The following CERS3 variants were observed in gnomAD, a reference collection of about 807,000 sequenced individuals.
CERS3 encodes the protein ceramide synthase 3.
A neutral mutation model predicts 50.3 loss-of-function variants in CERS3; 33 were observed. That is an observed-to-expected ratio of 0.66 (90% CI 0.50 to 0.88). The LOEUF is 0.88. Ranked by LOEUF, CERS3 falls within the 40% of genes least tolerant of loss-of-function variation. CERS3 has a pLI of 0.00. For missense variants in CERS3, 470 were observed against 460.3 expected, an observed-to-expected ratio of 1.02 and a Z score of -0.19; for synonymous variants, 176 against 155.2, an observed-to-expected ratio of 1.13 and a Z score of -0.99.
At chr15:100,404,414 C>A (rs1300669267) in intron 11 of CERS3, among the ~76,000 whole-genome samples, 2 of 152,158 alleles carry the variant, frequency 1.3e-5, no homozygotes, top group Non-Finnish European at 2.9e-5. Flanking sequence ...TGTATAGGAT[C>A]TGTATGTAAA....
rs199822061 is a variant in CERS3, at chr15:100,498,060, A to AT, written c.173+3616dup. 4.3e-3 allele frequency among the ~76,000 whole-genome samples: 652 copies of AT among 151,796 alleles called. 7 individuals are homozygous for AT. The highest frequency in any genetic ancestry group is 0.015 in the African/African-American group (615 of 41,386). ...AGGCATGTGCCAACACACCCAGTTAATTTTTTTGTATTTTTAGTACAGACG... is the reference window on the plus strand; with the variant it reads ...AGGCATGTGCCAACACACCCAGTTAATTTTTTTTGTATTTTTAGTACAGACG... On this transcript the variant is annotated intron_variant, in intron 3 of 11. Transcript: ENST00000679737.
At chr15:100,502,251 G>GAAAAAAAA (rs58654483) in intron 2 of CERS3, among the ~76,000 whole-genome samples, 15 of 113,682 alleles carry the variant, frequency 1.3e-4, no homozygotes, top group African/African-American at 3.0e-4. Context: ...CTCAAAAAAA[G>GAAAAAAAA]AAAAAAAAAA....
At chr15:100,532,391 T>G (rs75294868), upstream of CERS3, among the ~76,000 whole-genome samples, 114 of 152,310 alleles carry the variant, frequency 7.5e-4, 1 homozygote, top group African/African-American at 2.4e-3. Flanking sequence ...ATCAACAAAC[T>G]GTTTTCTTCT....
At chr15:100,491,153 G>T (rs186644523) in intron 3 of CERS3, among the ~76,000 whole-genome samples, 36 of 151,868 alleles carry the variant, frequency 2.4e-4, no homozygotes, top group Non-Finnish European at 3.4e-4. Context: ...ATTCTAAAAT[G>T]CATTTTATGT....
At chr15:100,437,546 A>G (rs2033476097) in intron 11 of CERS3, among the ~76,000 whole-genome samples, 1 of 152,210 alleles carries the variant, frequency 6.6e-6, no homozygotes, top group Non-Finnish European at 1.5e-5. Context: ...CAGCTGCAGC[A>G]CTGTCTGCCT....
intron 11 of CERS3, among the ~76,000 whole-genome samples, chr15:100,427,528 T>C (rs1343209008): frequency 6.6e-6 from 1 of 152,180 alleles, no homozygotes; most frequent in African/African-American, 2.4e-5. Context: ...TCTCAGGCCT[T>C]GGGGTAGCAA....
chr15:100,427,914 G>C (rs1280182712), intron 11 of CERS3, among the ~76,000 whole-genome samples: 1 of 152,146 alleles, frequency 6.6e-6, no homozygotes, highest in Non-Finnish European at 1.5e-5. Context: ...AAGAGGTCAG[G>C]TGGTGAAAAA....
At chr15:100,525,987 T>C (rs1209729162) in intron 1 of CERS3, among the ~76,000 whole-genome samples, 1 of 152,178 alleles carries the variant, frequency 6.6e-6, no homozygotes, top group Non-Finnish European at 1.5e-5. Flanking sequence ...CGTTGTATTG[T>C]GTGTTGAGGT....
intron 5 of CERS3, among the ~76,000 whole-genome samples, chr15:100,483,775 A>ATTTTTT (rs1158193821): frequency 4.4e-4 from 8 of 18,194 alleles, no homozygotes; most frequent in Non-Finnish European, 5.2e-4. Flanking sequence ...AATAATAATA[A>ATTTTTT]TTATTATTAT....
At chr15:100,442,109 T>C (rs987678559) in intron 11 of CERS3, among the ~76,000 whole-genome samples, 1 of 152,198 alleles carries the variant, frequency 6.6e-6, no homozygotes, top group Non-Finnish European at 1.5e-5. Flanking sequence ...GCTGGAGAGC[T>C]AAAGGCATAG....
intron 4 of CERS3, 80 bp from the exon 5 acceptor site, chr15:100,484,748 T>TAC: frequency 4.8e-6 from 5 of 1,035,220 alleles, no homozygotes; most frequent in South Asian, 1.3e-5. Context: ...GAGATTGAGT[T>TAC]ACAAGAGCTT....
intron 11 of CERS3, among the ~76,000 whole-genome samples, chr15:100,414,983 C>T (rs1001921834): frequency 2.6e-5 from 4 of 151,958 alleles, no homozygotes; most frequent in Admixed American, 6.6e-5. Context: ...GAAACTATAA[C>T]GAGAGTTAAC....
At chr15:100,417,374 G>T (rs531199884) in intron 11 of CERS3, among the ~76,000 whole-genome samples, 1 of 151,860 alleles carries the variant, frequency 6.6e-6, no homozygotes, top group South Asian at 2.1e-4. Context: ...CTTTTCCGAC[G>T]GGCTTAAAAA....
chr15:100,447,953 T>A (rs927453968), intron 11 of CERS3, among the ~76,000 whole-genome samples: 13 of 152,234 alleles, frequency 8.5e-5, no homozygotes, highest in African/African-American at 3.1e-4. Flanking sequence ...AAAGTTTGAA[T>A]CAATAGTCTA....
intron 3 of CERS3, among the ~76,000 whole-genome samples, chr15:100,496,593 G>A (rs1299207348): frequency 4.6e-5 from 7 of 152,090 alleles, no homozygotes; most frequent in Admixed American, 2.6e-4. Context: ...TATCATAATC[G>A]TGGTGATGCT....
At chr15:100,471,674 C>A (rs996728) in intron 9 of CERS3, among the ~76,000 whole-genome samples, 1 of 152,150 alleles carries the variant, frequency 6.6e-6, no homozygotes, top group South Asian at 2.1e-4. Context: ...CAGAAAAAAA[C>A]GGCACAATCC....
At chr15:100,406,349 T>C (rs2031024730) in intron 11 of CERS3, among the ~76,000 whole-genome samples, 1 of 152,194 alleles carries the variant, frequency 6.6e-6, no homozygotes, top group Non-Finnish European at 1.5e-5. Context: ...GTACAACTTC[T>C]TTTTTCCCTT....
At chr15:100,509,352 AGCTGAG>A (rs1469466720) in intron 2 of CERS3, among the ~76,000 whole-genome samples, 2 of 152,246 alleles carry the variant, frequency 1.3e-5, no homozygotes, top group Non-Finnish European at 2.9e-5. Context: ...CTCCAATCCA[AGCTGAG>A]GCTTTGGACA....
intron 11 of CERS3, among the ~76,000 whole-genome samples, chr15:100,422,440 T>A (rs2032509139): frequency 1.5e-5 from 1 of 67,952 alleles, no homozygotes; most frequent in Non-Finnish European, 3.0e-5. Context: ...AAACAACAGG[T>A]GCTGGAGAGG....
Sources: gnomAD v4.1 joint callset for allele counts (sites outside exome capture counted in the v4.1 genomes callset) on GRCh38, gnomAD v4.1.1 for gene constraint, MANE v1.5 for transcripts, NCBI Gene and HGNC (gene_info 2026-07-23, HGNC 2026-07-21) for gene names.